Variants in PDPR observed in about 807,000 individuals in gnomAD.
PDPR encodes pyruvate dehydrogenase phosphatase regulatory subunit.
A neutral mutation model predicts 102.2 loss-of-function variants in PDPR; 50 were observed. The ratio of observed to expected loss-of-function variants is 0.49; its 90% CI spans 0.39 to 0.62. The LOEUF is 0.62. Among genes scored for constraint, PDPR ranks in the 20% least tolerant of loss-of-function variants. The pLI, the probability that PDPR is intolerant of heterozygous loss-of-function variation, is 0.00. For missense variants in PDPR, 625 were observed against 1,098.2 expected, an observed-to-expected ratio of 0.57 and a Z score of 6.09; for synonymous variants, 259 against 406.0, an observed-to-expected ratio of 0.64 and a Z score of 4.35.
Position 70,122,702 on chromosome 16 carries a change from A to T in PDPR, c.227+1983A>T, listed in dbSNP as rs557618381. ...CCTACCGGGCTTAGCATCCATTGAC[A>T]ACTGTTGCCTGAGTCAGCCACCACC... On this transcript the variant is annotated intron_variant, in intron 3 of 18. Coordinates refer to ENST00000288050, the MANE Select transcript of PDPR (RefSeq NM_017990.5). 9.2e-5 allele frequency among the ~76,000 whole-genome samples: 14 copies of T among 152,380 alleles called. No individual in the cohort carries two copies. The South Asian group carries it at 2.9e-3, about 32-fold the overall frequency.
intron 6 of PDPR, among the ~76,000 whole-genome samples, chr16:70,130,208 G>A (rs1194740099): frequency 6.6e-6 from 1 of 152,254 alleles, no homozygotes; most frequent in African/African-American, 2.4e-5. Context: ...CAGGAGAATT[G>A]CTTGAACCCA....
At chr16:70,113,656 C>T (rs914801238), upstream of PDPR, 2 of 134,640 alleles carry the variant, frequency 1.5e-5, no homozygotes, top group Non-Finnish European at 3.4e-5. Flanking sequence ...AAAGAAAAGG[C>T]TGATGTGACA....
At position 70,143,375 on chromosome 16, in the gene PDPR, A is replaced by C. The variant is rs1597359459; in HGVS notation, c.1606-135A>C. 1.0e-5 allele frequency: 11 copies of C among 1,054,922 alleles called. No individual in the cohort carries two copies. In the East Asian group the frequency reaches 2.9e-4, roughly 28 times the overall value. The allele number at this position is 1,054,922 out of a possible 1,614,324, so 65.3% of individuals were successfully genotyped here. On this transcript the variant is annotated intron_variant, in intron 13 of 18. Transcript: ENST00000288050. ...CGTTCCCTGGAGCTTCTTGCAGTGG[A>C]GTAGGTCTGCAAATGTTGTCACATG... is the stretch of plus-strand genomic sequence containing the variant.
intron 3 of PDPR, among the ~76,000 whole-genome samples, chr16:70,125,023 T>G (rs1347796842): frequency 2.0e-5 from 3 of 152,314 alleles, no homozygotes. Flanking sequence ...AACATTTTTT[T>G]CAATGTAAAG....
intron 15 of PDPR, 47 bp from the exon 16 acceptor site, chr16:70,146,087 A>G (rs1398266678): frequency 8.7e-6 from 14 of 1,604,412 alleles, no homozygotes; most frequent in Non-Finnish European, 1.2e-5. Flanking sequence ...CCATTGGCTC[A>G]GCTGTTCAGA....
chr16:70,130,277 G>A, intron 6 of PDPR, 146 bp from the exon 7 acceptor site: 1 of 1,049,532 alleles, frequency 9.5e-7, no homozygotes, highest in Non-Finnish European at 1.3e-6. Flanking sequence ...GACAAAGCAA[G>A]ACTCCATCTC....
At chr16:70,119,218 TGG>T in intron 2 of PDPR, among the ~76,000 whole-genome samples, 1 of 152,214 alleles carries the variant, frequency 6.6e-6, no homozygotes, top group Non-Finnish European at 1.5e-5. Context: ...CTCAACACTT[TGG>T]GAGACCAAGG....
intron 6 of PDPR, among the ~76,000 whole-genome samples, chr16:70,129,650 A>G (rs1330667781): frequency 6.6e-6 from 1 of 152,272 alleles, no homozygotes; most frequent in Non-Finnish European, 1.5e-5. Flanking sequence ...TGCCCTGCCA[A>G]TTAATGCCCT....
chr16:70,118,052 C>T (rs1358358362), intron 2 of PDPR, among the ~76,000 whole-genome samples: 2 of 151,086 alleles, frequency 1.3e-5, no homozygotes, highest in Admixed American at 6.6e-5. Flanking sequence ...GAGATCACAC[C>T]GCTGCACTCC....
At chr16:70,163,056 T>C (rs925921021), downstream of PDPR, among the ~76,000 whole-genome samples, 1 of 152,262 alleles carries the variant, frequency 6.6e-6, no homozygotes, top group African/African-American at 2.4e-5. Context: ...TTCAAGTGAT[T>C]TCCTGCCTTA....
intron 9 of PDPR, among the ~76,000 whole-genome samples, chr16:70,133,111 CT>C (rs140652740): frequency 0.14 from 13,216 of 95,090 alleles, 16 homozygotes; most frequent in Middle Eastern, 0.16. Flanking sequence ...TACCCAGCTG[CT>C]TTTTTTTTTT....
chr16:70,141,199 G>T (rs1337683001), intron 11 of PDPR, among the ~76,000 whole-genome samples: 1 of 152,152 alleles, frequency 6.6e-6, no homozygotes, highest in East Asian at 1.9e-4. Flanking sequence ...GATTACAGGC[G>T]CCTGCCACCA....
chr16:70,156,889 G>A lies in PDPR; in HGVS notation c.*10G>A. 1.9e-6 allele frequency: 3 copies of A among 1,611,658 alleles called. No individual in the cohort carries two copies. The highest frequency in any genetic ancestry group is 2.5e-6 in the Non-Finnish European group (3 of 1,178,868). On this transcript the variant is annotated 3_prime_UTR_variant, in exon 19 of 19. Coordinates refer to ENST00000288050, the MANE Select transcript of PDPR (RefSeq NM_017990.5). ...CTTACATGGGAAGTGATGCCACCAGGGCAGCCTCACCTCCTCCCCATCATC... is the reference window on the plus strand; with the variant it reads ...CTTACATGGGAAGTGATGCCACCAGAGCAGCCTCACCTCCTCCCCATCATC...
chr16:70,140,767 A>G (rs562120983), intron 11 of PDPR, among the ~76,000 whole-genome samples: 1 of 152,326 alleles, frequency 6.6e-6, no homozygotes, highest in Non-Finnish European at 1.5e-5. Context: ...GTGAGCCAAG[A>G]TCTCACCACT....
In PDPR at chr16:70,142,688, T is replaced by C. The variant is rs1965851056; in HGVS notation, c.1605+2T>C. The stretch of plus-strand genomic sequence containing the variant: ...TCTTTCACAAAGTTTGAGATAACAG[T>C]AAGTATTTGGGAACCAAAAAGTAAT... On this transcript the variant is annotated splice_donor_variant, in intron 13 of 18. Coordinates refer to ENST00000288050, the MANE Select transcript of PDPR (RefSeq NM_017990.5). LOFTEE classifies it high-confidence loss of function. The C allele has an allele frequency of 1.2e-6, 2 of 1,614,062 alleles. No homozygotes were observed. The highest frequency in any genetic ancestry group is 8.5e-7 in the Non-Finnish European group (1 of 1,179,896).
intron 8 of PDPR, 194 bp from the exon 9 acceptor site, chr16:70,131,957 G>T: frequency 6.6e-7 from 1 of 1,513,286 alleles, no homozygotes. Flanking sequence ...AAGGCTAAAT[G>T]GGAGGATCTT....
At chr16:70,125,666 G>C (rs1963889065) in intron 3 of PDPR, among the ~76,000 whole-genome samples, 1 of 150,354 alleles carries the variant, frequency 6.7e-6, no homozygotes, top group Non-Finnish European at 1.5e-5. Context: ...ATGGAGTCTT[G>C]CTCTGTCACC....
rs533480255 is a variant in PDPR, at chr16:70,142,864, G to A, written c.1605+178G>A. ...CACCTGAGGTCAGAGTTCCAGACCAGCCTGGCCAAGATGGTGAAACCCCGT... is the reference window on the plus strand; with the variant it reads ...CACCTGAGGTCAGAGTTCCAGACCAACCTGGCCAAGATGGTGAAACCCCGT... On this transcript the variant is annotated intron_variant, in intron 13 of 18. Transcript: ENST00000288050. 3.3e-5 allele frequency among the ~76,000 whole-genome samples: 5 copies of A among 152,406 alleles called. No individual in the cohort carries two copies. The East Asian group carries it at 9.6e-4, about 29-fold the overall frequency.
At chr16:70,128,471 G>A (rs750737069) in intron 4 of PDPR, among the ~76,000 whole-genome samples, 235 of 152,150 alleles carry the variant, frequency 1.5e-3, no homozygotes, top group Middle Eastern at 6.8e-3. Context: ...CAGATGATCC[G>A]CCCCCCTCAG....
Sources: allele counts gnomAD v4.1 joint callset (sites outside exome capture counted in the v4.1 genomes callset), GRCh38; gene constraint gnomAD v4.1.1; transcripts MANE v1.5; gene names NCBI Gene and HGNC (gene_info 2026-07-23, HGNC 2026-07-21).